HS3ST4: variants seen among roughly 807,000 people sequenced by gnomAD.
HS3ST4 encodes the protein heparan sulfate glucosamine 3-O-sulfotransferase 4.
In HS3ST4, 17 loss-of-function variants were observed where a neutral mutation model predicts 29.2. The observed-to-expected ratio is 0.58, with a 90% CI of 0.40 to 0.87. The LOEUF (loss-of-function observed/expected upper bound fraction) is 0.87. Ranked by LOEUF, HS3ST4 falls within the 40% of genes least tolerant of loss-of-function variation. HS3ST4 has a pLI of 0.00. For missense variants in HS3ST4, 627 were observed against 634.5 expected (o/e 0.99, Z 0.13); for synonymous variants, 314 against 285.7 (o/e 1.10, Z -1.00).
At chr16:25,770,547 G>A (rs184759762) in intron 1 of HS3ST4, among the ~76,000 whole-genome samples, 158 of 152,256 alleles carry the variant, frequency 1.0e-3, no homozygotes, top group African/African-American at 3.7e-3. Context: ...AGCCTAACAC[G>A]CTCTACAATG....
chr16:25,721,301 C>A (rs934293680), intron 1 of HS3ST4, among the ~76,000 whole-genome samples: 1 of 152,136 alleles, frequency 6.6e-6, no homozygotes, highest in Non-Finnish European at 1.5e-5. Context: ...TAAGTCCTGT[C>A]TAACCTTAGG....
At chr16:26,131,633 T>A (rs1899420764) in intron 1 of HS3ST4, among the ~76,000 whole-genome samples, 1 of 152,150 alleles carries the variant, frequency 6.6e-6, no homozygotes, top group African/African-American at 2.4e-5. Flanking sequence ...AAAGCCCAGG[T>A]TAGCAGGGGG....
chr16:25,773,979 T>C (rs1460180764), intron 1 of HS3ST4, among the ~76,000 whole-genome samples: 2 of 152,162 alleles, frequency 1.3e-5, no homozygotes, highest in African/African-American at 4.8e-5. Context: ...CTTGTTGCAA[T>C]TGGTTGTATC....
chr16:25,882,628 C>T (rs1967905568), intron 1 of HS3ST4, among the ~76,000 whole-genome samples: 1 of 152,090 alleles, frequency 6.6e-6, no homozygotes, highest in Admixed American at 6.6e-5. Context: ...ATCACTGAGG[C>T]TTATTCACCT....
intron 1 of HS3ST4, among the ~76,000 whole-genome samples, chr16:25,927,918 G>A (rs965322770): frequency 2.0e-5 from 3 of 151,690 alleles, no homozygotes; most frequent in Admixed American, 6.6e-5. Flanking sequence ...TGTGAAATAG[G>A]CTGGGTGCAG....
At chr16:25,862,166 T>TTTAG (rs1174136466) in intron 1 of HS3ST4, among the ~76,000 whole-genome samples, 3 of 46,706 alleles carry the variant, frequency 6.4e-5, no homozygotes, top group African/African-American at 2.9e-4. Context: ...TATTTACATA[T>TTTAG]TTATTTATTT....
chr16:25,987,349 CAA>C (rs113401468), intron 1 of HS3ST4, among the ~76,000 whole-genome samples: 12 of 118,478 alleles, frequency 1.0e-4, no homozygotes, highest in Admixed American at 8.7e-5. Flanking sequence ...AACTCCAACT[CAA>C]AAAAAAAAAA....
rs143902607 is a variant in HS3ST4, at chr16:26,132,955, G to T, written c.735-2657G>T. On this transcript the variant is annotated intron_variant, in intron 1 of 1. Coordinates refer to ENST00000331351, the MANE Select transcript of HS3ST4 (RefSeq NM_006040.3). ...ATCTCTCCACTTGAAATAAAAATAA[G>T]ATGGTCAGTATATTTCCTATACTCA... is the stretch of plus-strand genomic sequence containing the variant. 1.6e-3 allele frequency among the ~76,000 whole-genome samples: 236 copies of T among 152,240 alleles called. 3 individuals carry two copies. The highest frequency in any genetic ancestry group is 5.5e-3 in the African/African-American group (229 of 41,548).
intron 1 of HS3ST4, among the ~76,000 whole-genome samples, chr16:25,789,041 C>T (rs1966862412): frequency 6.6e-6 from 1 of 152,002 alleles, no homozygotes; most frequent in Admixed American, 6.6e-5. Flanking sequence ...CATGGTGGGG[C>T]CAGGAGATAG....
At chr16:25,843,469 G>T (rs1967436051) in intron 1 of HS3ST4, among the ~76,000 whole-genome samples, 1 of 152,170 alleles carries the variant, frequency 6.6e-6, no homozygotes, top group Non-Finnish European at 1.5e-5. Context: ...CCTCAGACCT[G>T]CATCACTTCC....
At chr16:25,883,795 C>A (rs1967918742) in intron 1 of HS3ST4, among the ~76,000 whole-genome samples, 1 of 152,076 alleles carries the variant, frequency 6.6e-6, no homozygotes, top group Non-Finnish European at 1.5e-5. Context: ...CAAGATTAGT[C>A]TTATTATTAA....
intron 1 of HS3ST4, among the ~76,000 whole-genome samples, chr16:25,875,730 A>G (rs1339744352): frequency 6.6e-6 from 1 of 152,134 alleles, no homozygotes; most frequent in Non-Finnish European, 1.5e-5. Context: ...CCCTAAGTGT[A>G]ATTCAATTGC....
chr16:25,709,541 A>G (rs761414319), intron 1 of HS3ST4, among the ~76,000 whole-genome samples: 2 of 152,190 alleles, frequency 1.3e-5, no homozygotes, highest in Non-Finnish European at 2.9e-5. Context: ...AAACAGACAC[A>G]GTGAGGTTCC....
intron 1 of HS3ST4, among the ~76,000 whole-genome samples, chr16:26,129,837 A>C (rs931272282): frequency 2.6e-5 from 4 of 152,148 alleles, no homozygotes; most frequent in African/African-American, 4.8e-5. Context: ...TCAGCCTCAG[A>C]ACATAGCATG....
intron 1 of HS3ST4, among the ~76,000 whole-genome samples, chr16:25,994,919 G>T (rs758074876): frequency 2.6e-5 from 4 of 152,120 alleles, no homozygotes; most frequent in Non-Finnish European, 5.9e-5. Context: ...ACTTCAATAT[G>T]TCAATTTCCC....
intron 1 of HS3ST4, among the ~76,000 whole-genome samples, chr16:25,771,680 A>G (rs1966842416): frequency 6.6e-6 from 1 of 152,166 alleles, no homozygotes; most frequent in Non-Finnish European, 1.5e-5. Flanking sequence ...TCTTTGAAGC[A>G]GAGAATATAA....
intron 1 of HS3ST4, among the ~76,000 whole-genome samples, chr16:25,725,051 T>C (rs1232677797): frequency 1.2e-4 from 13 of 105,706 alleles, no homozygotes; most frequent in African/African-American, 4.1e-4. Flanking sequence ...TTTTTTTTTT[T>C]TTAAATAGGA....
chr16:25,782,820 T>G (rs943628451), intron 1 of HS3ST4, among the ~76,000 whole-genome samples: 33 of 152,346 alleles, frequency 2.2e-4, no homozygotes, highest in Admixed American at 5.2e-4. Flanking sequence ...TAAGTTAAAA[T>G]AAAATGGATT....
chr16:25,851,875 C>CAA (rs1567255294), intron 1 of HS3ST4, among the ~76,000 whole-genome samples: 32 of 6,076 alleles, frequency 5.3e-3, no homozygotes, highest in African/African-American at 0.017. Flanking sequence ...ACGACACTTT[C>CAA]GAAGTTATTA....
Sources: allele counts gnomAD v4.1 joint callset (sites outside exome capture counted in the v4.1 genomes callset), GRCh38; gene constraint gnomAD v4.1.1; transcripts MANE v1.5; gene names NCBI Gene and HGNC (gene_info 2026-07-23, HGNC 2026-07-21).